Variants in ZBTB26 observed in about 807,000 individuals in gnomAD.
The protein encoded by ZBTB26 is zinc finger and BTB domain-containing protein 26.
Under a neutral mutation model 31.6 loss-of-function variants are expected in ZBTB26, and 12 were observed. The ratio of observed to expected loss-of-function variants is 0.38; its 90% CI spans 0.24 to 0.61. The LOEUF (loss-of-function observed/expected upper bound fraction) is 0.61. Ranked by LOEUF, ZBTB26 falls within the 20% of genes least tolerant of loss-of-function variation. The pLI, the probability that ZBTB26 is intolerant of heterozygous loss-of-function variation, is 0.60. For missense variants in ZBTB26, 311 were observed against 521.9 expected (o/e 0.60, Z 3.94); for synonymous variants, 155 against 182.9 (o/e 0.85, Z 1.23).
In ZBTB26 at chr9:122,922,254, T is replaced by C. The variant is rs117061316; in HGVS notation, c.-10-2310A>G. Among the ~76,000 whole-genome samples the C allele has an allele frequency of 8.6e-4, 131 of 152,080 alleles. No homozygotes were observed. In the East Asian group the frequency reaches 0.019, roughly 22 times the overall value. On this transcript the variant is annotated intron_variant, in intron 1 of 1. Coordinates refer to ENST00000373656, the MANE Select transcript of ZBTB26 (RefSeq NM_020924.4). ...CTCTGTCTAAAAAAACAAAGTAAAA[T>C]AAAACAAACAAAAACACCACTTTCT...
Position 122,919,439 on chromosome 9 carries a change from T to C in ZBTB26, c.496A>G (p.Ile166Val). 2 of 1,614,226 alleles carry C rather than the reference T, an allele frequency of 1.2e-6. No homozygotes were observed. The highest frequency in any genetic ancestry group is 1.7e-5 in the Admixed American group (1 of 60,030). ...RGSPKQDSPC[I>V]HPSEDSMDME... ...TCCATACTGTCTTCAGATGGATGAA[T>C]ACAAGGTGAGTCCTGCTTTGGGGAG... Residue 166 changes from isoleucine to valine, a missense_variant, in exon 2 of 2, where the codon ATT (isoleucine) becomes GTT (valine). Ile to Val is a conservative substitution (Grantham distance 29). Coordinates refer to ENST00000373656, the MANE Select transcript of ZBTB26 (RefSeq NM_020924.4). This position sits in a 1 kb window ranked among gnomAD's most constrained non-coding sequence, Gnocchi z 6.1.
Position 122,918,344 on chromosome 9 carries a change from A to G in ZBTB26, c.*265T>C, listed in dbSNP as rs964044746. 1 of 445,382 alleles carries G rather than the reference A, an allele frequency of 2.2e-6. No individual in the cohort carries two copies. Among genetic ancestry groups the G allele is most frequent in the African/African-American group, 2.0e-5 (1 of 50,238 alleles). 27.6% of individuals were successfully genotyped at this position (445,382 alleles called of 1,614,324 possible). On this transcript the variant is annotated 3_prime_UTR_variant, in exon 2 of 2. Coordinates refer to ENST00000373656, the MANE Select transcript of ZBTB26 (RefSeq NM_020924.4). ...CAGTGTCAGTCTAAGACATAAGTCAATGTTAGGTAGACAAAAGGAATTATT... is the reference window on the plus strand; with the variant it reads ...CAGTGTCAGTCTAAGACATAAGTCAGTGTTAGGTAGACAAAAGGAATTATT...
intron 1 of ZBTB26, among the ~76,000 whole-genome samples, chr9:122,926,506 CAA>C (rs1022523849): frequency 1.8e-4 from 11 of 62,122 alleles, no homozygotes; most frequent in Admixed American, 3.7e-4. Flanking sequence ...GACTCCGTCT[CAA>C]AAAAAAAAAA....
intron 1 of ZBTB26, among the ~76,000 whole-genome samples, chr9:122,927,659 C>T (rs543774229): frequency 2.0e-5 from 3 of 152,180 alleles, no homozygotes; most frequent in Non-Finnish European, 2.9e-5. Context: ...CGATACTCTC[C>T]AAGTTATCAA....
chr9:122,923,941 G>A (rs1013061706), intron 1 of ZBTB26, among the ~76,000 whole-genome samples: 41 of 152,240 alleles, frequency 2.7e-4, no homozygotes, highest in African/African-American at 9.4e-4. Flanking sequence ...TGTTACAATT[G>A]CCTACAGTAT....
chr9:122,919,013 T>C lies in ZBTB26; in HGVS notation c.922A>G (p.Thr308Ala), dbSNP rs777339588. The change falls in exon 2 of 2, where the codon ACT becomes GCT. Residue 308 changes from threonine (T) to alanine (A), a missense_variant. Coordinates refer to ENST00000373656, the MANE Select transcript of ZBTB26 (RefSeq NM_020924.4). This position sits in a 1 kb window ranked among gnomAD's most constrained non-coding sequence, Gnocchi z 6.1. ...TGTCGATGAAGGTTGCCTTTCTGAGTGAAAGTCTTGCCGCAGAGTAGACAC... is the reference window on the plus strand; with the variant it reads ...TGTCGATGAAGGTTGCCTTTCTGAGCGAAAGTCTTGCCGCAGAGTAGACAC... ...FMCLLCGKTF[T>A]QKGNLHRHMR... The C allele has an allele frequency of 6.2e-7, 1 of 1,614,132 alleles. No homozygotes were observed. Among genetic ancestry groups the C allele is most frequent in the Non-Finnish European group, 8.5e-7 (1 of 1,180,038 alleles).
chr9:122,918,639 G>A lies in ZBTB26; in HGVS notation c.1296C>T (p.Asn432=). ...DAGKLAQAVL[N]LRNDSTCVN is the part of the protein sequence containing the mutation. The stretch of plus-strand genomic sequence containing the variant: ...TCACACAAGTACTATCATTTCTTAA[G>A]TTCAGGACAGCTTGGGCCAGTTTAC... Residue 432 remains asparagine (N), a synonymous_variant, in exon 2 of 2, where the codon AAC becomes AAT. Coordinates refer to ENST00000373656, the MANE Select transcript of ZBTB26 (RefSeq NM_020924.4). The A allele has an allele frequency of 6.2e-7, 1 of 1,613,934 alleles. No homozygotes were observed. Among genetic ancestry groups the A allele is most frequent in the Non-Finnish European group, 8.5e-7 (1 of 1,179,918 alleles).
chr9:122,923,196 G>GAAAAAAAAA (rs78529702), intron 1 of ZBTB26, among the ~76,000 whole-genome samples: 1 of 108,440 alleles, frequency 9.2e-6, no homozygotes, highest in Admixed American at 9.1e-5. Flanking sequence ...AAAAAAAAAA[G>GAAAAAAAAA]AAAAAAAAAA....
intron 1 of ZBTB26, among the ~76,000 whole-genome samples, chr9:122,929,860 T>A (rs1161280903): frequency 1.3e-5 from 2 of 152,208 alleles, no homozygotes; most frequent in African/African-American, 4.8e-5. Flanking sequence ...ATGCTCTGCA[T>A]GAATTGATCC....
Position 122,916,771 on chromosome 9 carries a change from C to T in ZBTB26, c.*1838G>A, listed in dbSNP as rs1338941736. On this transcript the variant is annotated 3_prime_UTR_variant, in exon 2 of 2. Coordinates refer to ENST00000373656, the MANE Select transcript of ZBTB26 (RefSeq NM_020924.4). ...TCATTTTAAATATTTGAACAAAAGA[C>T]AAAAATCATACTTCACATCTGACTC... 1 of 152,108 alleles carries T rather than the reference C, an allele frequency of 6.6e-6. No individual in the cohort carries two copies. The highest frequency in any genetic ancestry group is 1.5e-5 in the Non-Finnish European group (1 of 68,008). The allele number at this position is 152,108 out of a possible 1,614,324, so 9.4% of individuals were successfully genotyped here.
At chr9:122,928,010 T>G (rs1833209631) in intron 1 of ZBTB26, among the ~76,000 whole-genome samples, 1 of 152,032 alleles carries the variant, frequency 6.6e-6, no homozygotes, top group African/African-American at 2.4e-5. Flanking sequence ...AATTTTTGCA[T>G]TTTTAGTAGA....
At chr9:122,925,883 C>A (rs933166972) in intron 1 of ZBTB26, among the ~76,000 whole-genome samples, 13 of 151,762 alleles carry the variant, frequency 8.6e-5, no homozygotes, top group Admixed American at 7.2e-4. Context: ...GCCTCAGCCT[C>A]CCCAGTAGCT....
intron 1 of ZBTB26, among the ~76,000 whole-genome samples, chr9:122,929,904 T>C (rs1352230023): frequency 2.6e-5 from 4 of 152,194 alleles, no homozygotes; most frequent in Non-Finnish European, 5.9e-5. Flanking sequence ...TTCTCTTGAT[T>C]TCTGGGTCTT....
At chr9:122,925,399 A>G (rs1195986923) in intron 1 of ZBTB26, among the ~76,000 whole-genome samples, 2 of 152,134 alleles carry the variant, frequency 1.3e-5, no homozygotes, top group Non-Finnish European at 2.9e-5. Context: ...AAATAAATTG[A>G]CCCATTTAAT....
At chr9:122,925,510 T>A (rs554167632) in intron 1 of ZBTB26, among the ~76,000 whole-genome samples, 3 of 151,986 alleles carry the variant, frequency 2.0e-5, no homozygotes, top group Non-Finnish European at 2.9e-5. Flanking sequence ...CCAACGGAGG[T>A]TGAAAGTGTT....
Position 122,925,104 on chromosome 9 carries a change from T to C in ZBTB26, c.-10-5160A>G, listed in dbSNP as rs549482323. On this transcript the variant is annotated intron_variant, in intron 1 of 1. Coordinates refer to ENST00000373656, the MANE Select transcript of ZBTB26 (RefSeq NM_020924.4). ...ATTGACCCATTTAGGCCGAGCACAGTGGCTCATGCCTGTATTCCAGCACTT... is the reference window on the plus strand; with the variant it reads ...ATTGACCCATTTAGGCCGAGCACAGCGGCTCATGCCTGTATTCCAGCACTT... 3.3e-5 allele frequency among the ~76,000 whole-genome samples: 5 copies of C among 152,314 alleles called. No homozygotes were observed. The South Asian group carries it at 1.0e-3, about 32-fold the overall frequency.
At chr9:122,929,118 C>A (rs1833228649) in intron 1 of ZBTB26, among the ~76,000 whole-genome samples, 1 of 152,122 alleles carries the variant, frequency 6.6e-6, no homozygotes, top group Non-Finnish European at 1.5e-5. Flanking sequence ...AGGGCATGAT[C>A]ATGAGTCTGG....
chr9:122,930,540 C>T (rs901960251), intron 1 of ZBTB26, among the ~76,000 whole-genome samples: 1 of 152,188 alleles, frequency 6.6e-6, no homozygotes, highest in South Asian at 2.1e-4. Flanking sequence ...GGGCTTTCTA[C>T]AGAACAAAAT....
In ZBTB26 at chr9:122,917,726, T is replaced by C. The variant is rs532310234; in HGVS notation, c.*883A>G. 3.3e-5 allele frequency: 5 copies of C among 152,306 alleles called. No individual in the cohort carries two copies. Among genetic ancestry groups the C allele is most frequent in the African/African-American group, 1.2e-4 (5 of 41,572 alleles). The allele number at this position is 152,306 out of a possible 1,614,324, so 9.4% of individuals were successfully genotyped here. On this transcript the variant is annotated 3_prime_UTR_variant, in exon 2 of 2. Coordinates refer to ENST00000373656, the MANE Select transcript of ZBTB26 (RefSeq NM_020924.4). ...CTGATGGCTAAACTCTGAAACAAAA[T>C]TCAGAGACTCCCAAATAGCCTCTTT...
Sources: gnomAD v4.1 joint callset for allele counts (sites outside exome capture counted in the v4.1 genomes callset) on GRCh38, gnomAD v4.1.1 for gene constraint, Gnocchi (gnomAD v3.1) non-coding constraint, MANE v1.5 for transcripts, NCBI Gene and HGNC (gene_info 2026-07-23, HGNC 2026-07-21) for gene names.